The following ANXA13 variants were observed in gnomAD, a reference collection of about 807,000 sequenced individuals.
ANXA13 encodes the protein annexin A13, also known as annexin XIII.
In ANXA13, 36 loss-of-function variants were observed where a neutral mutation model predicts 46.6. The ratio of observed to expected loss-of-function variants is 0.77; its 90% CI spans 0.59 to 1.02. The LOEUF (loss-of-function observed/expected upper bound fraction) is 1.02, where lower values mean the gene tolerates loss of function less well. ANXA13 is among the 50% of genes least tolerant of loss of function. The pLI is 0.00. For missense variants in ANXA13, 417 were observed against 396.5 expected, an observed-to-expected ratio of 1.05 and a Z score of -0.44; for synonymous variants, 163 against 152.9, an observed-to-expected ratio of 1.07 and a Z score of -0.49.
intron 1 of ANXA13, among the ~76,000 whole-genome samples, chr8:123,733,647 T>C (rs1456787354): frequency 1.3e-5 from 2 of 152,232 alleles, no homozygotes; most frequent in Non-Finnish European, 2.9e-5. Flanking sequence ...CGGTTTTCAG[T>C]TAGGAGCATG....
In ANXA13 at chr8:123,681,153, G is replaced by T; in HGVS notation, c.*87C>A. The T allele has an allele frequency of 6.7e-7, 1 of 1,490,556 alleles. No homozygotes were observed. Among genetic ancestry groups the T allele is most frequent in the East Asian group, 2.3e-5 (1 of 43,372 alleles). The allele number at this position is 1,490,556 out of a possible 1,614,324, so 92.3% of individuals were successfully genotyped here. ...TAATCCGGGACTCTTAAGGGTTTTC[G>T]TGCGGGAGTCTCATTTGCAAGTTTG... On this transcript the variant is annotated 3_prime_UTR_variant, in exon 11 of 11. Coordinates refer to ENST00000419625, the MANE Select transcript of ANXA13 (RefSeq NM_004306.4).
chr8:123,681,461 C>G, intron 10 of ANXA13, 102 bp from the exon 11 acceptor site: 2 of 1,150,468 alleles, frequency 1.7e-6, no homozygotes, highest in Non-Finnish European at 2.5e-6. Context: ...TCATTCATGC[C>G]TTAAAACAGC....
chr8:123,698,632 G>GC, intron 3 of ANXA13, 73 bp from the exon 4 acceptor site: 1 of 1,493,330 alleles, frequency 6.7e-7, no homozygotes, highest in South Asian at 1.2e-5. Flanking sequence ...TTGCACTATT[G>GC]CAAGTGCTCA....
intron 1 of ANXA13, among the ~76,000 whole-genome samples, chr8:123,734,275 C>T (rs931123051): frequency 6.6e-6 from 1 of 152,296 alleles, no homozygotes; most frequent in Admixed American, 6.5e-5. Flanking sequence ...GTATTTTTCC[C>T]TAGATAGTGA....
chr8:123,732,541 C>T (rs534125155), intron 1 of ANXA13, among the ~76,000 whole-genome samples: 64 of 152,322 alleles, frequency 4.2e-4, no homozygotes, highest in African/African-American at 1.5e-3. Flanking sequence ...ATTCTCTCCC[C>T]TGCACCAAGT....
chr8:123,693,561 G>T, intron 7 of ANXA13, 150 bp downstream of exon 7: 1 of 721,824 alleles, frequency 1.4e-6, no homozygotes, highest in Non-Finnish European at 2.3e-6. Context: ...GATTCATGGA[G>T]ACTATATATA....
intron 2 of ANXA13, among the ~76,000 whole-genome samples, chr8:123,707,465 A>G (rs1263358244): frequency 6.6e-6 from 1 of 152,230 alleles, no homozygotes; most frequent in Non-Finnish European, 1.5e-5. Context: ...TCAATGATAG[A>G]CTGGATAAAG....
At chr8:123,686,468 A>AG (rs1813142211) in intron 9 of ANXA13, among the ~76,000 whole-genome samples, 1 of 147,984 alleles carries the variant, frequency 6.8e-6, no homozygotes, top group East Asian at 1.9e-4. Flanking sequence ...TTAAAAAAAA[A>AG]AAAAAGAAAG....
chr8:123,709,821 C>T (rs1813621166), intron 2 of ANXA13, among the ~76,000 whole-genome samples: 1 of 152,226 alleles, frequency 6.6e-6, no homozygotes, highest in African/African-American at 2.4e-5. Context: ...GCAGTGGTGC[C>T]ATCTCAGCTC....
rs191045022 is a variant in ANXA13 at position 123,731,563 on chromosome 8, G to A, written c.15+5757C>T. Among the ~76,000 whole-genome samples the A allele has an allele frequency of 5.4e-3, 826 of 152,218 alleles. 8 individuals are homozygous for A. Among genetic ancestry groups the A allele is most frequent in the African/African-American group, 0.019 (795 of 41,538 alleles). On this transcript the variant is annotated intron_variant, in intron 1 of 10. Transcript: ENST00000419625. ...TCAGGAAACCATCAGTCCAGTGTGA[G>A]GCAGGTATACAAAACAGGTGGTTCT...
intron 2 of ANXA13, among the ~76,000 whole-genome samples, chr8:123,702,997 G>T (rs541303796): frequency 6.6e-6 from 1 of 152,160 alleles, no homozygotes; most frequent in African/African-American, 2.4e-5. Flanking sequence ...AGTATGGCTG[G>T]TTCCTTAATT....
chr8:123,725,966 C>T (rs1169490737), intron 1 of ANXA13, among the ~76,000 whole-genome samples: 1 of 152,194 alleles, frequency 6.6e-6, no homozygotes, highest in Non-Finnish European at 1.5e-5. Flanking sequence ...TTGATACCTC[C>T]TTTCCAAGAT....
chr8:123,721,878 C>T (rs1207789844), intron 1 of ANXA13, among the ~76,000 whole-genome samples: 1 of 152,168 alleles, frequency 6.6e-6, no homozygotes, highest in African/African-American at 2.4e-5. Flanking sequence ...ATGAGAAAAA[C>T]CAAGACACAC....
intron 10 of ANXA13, among the ~76,000 whole-genome samples, chr8:123,683,919 T>G (rs1251641163): frequency 6.6e-6 from 1 of 152,194 alleles, no homozygotes; most frequent in Non-Finnish European, 1.5e-5. Context: ...CCCAAGCCGT[T>G]GGCTCTTCCT....
At chr8:123,725,653 A>G (rs2060111) in intron 1 of ANXA13, among the ~76,000 whole-genome samples, 76,652 of 152,022 alleles carry the variant, frequency 0.5, 19,775 homozygotes, top group African/African-American at 0.59. Flanking sequence ...TCATTAAGTC[A>G]TAAAACTACC....
intron 1 of ANXA13, among the ~76,000 whole-genome samples, chr8:123,714,357 T>C (rs1328871711): frequency 1.3e-5 from 2 of 152,162 alleles, no homozygotes; most frequent in Non-Finnish European, 2.9e-5. Context: ...GGTGGATACA[T>C]AGATACTGAG....
chr8:123,723,844 T>C (rs1047157633), intron 1 of ANXA13, among the ~76,000 whole-genome samples: 5 of 152,214 alleles, frequency 3.3e-5, no homozygotes, highest in Non-Finnish European at 7.3e-5. Flanking sequence ...TTCACTCTCA[T>C]ATCCCCAGCA....
intron 1 of ANXA13, among the ~76,000 whole-genome samples, chr8:123,735,421 T>C (rs114403741): frequency 0.014 from 2,116 of 152,354 alleles, 53 homozygotes; most frequent in African/African-American, 0.046. Flanking sequence ...CTTTTTTACA[T>C]GTATTCATTC....
chr8:123,689,842 T>C (rs922565004), intron 8 of ANXA13, among the ~76,000 whole-genome samples: 1 of 152,232 alleles, frequency 6.6e-6, no homozygotes, highest in Admixed American at 6.5e-5. Flanking sequence ...TATGACACAA[T>C]TGATTCTATA....
Sources: allele counts gnomAD v4.1 joint callset (sites outside exome capture counted in the v4.1 genomes callset), GRCh38; gene constraint gnomAD v4.1.1; transcripts MANE v1.5; gene names NCBI Gene and HGNC (gene_info 2026-07-23, HGNC 2026-07-21).